The following SLC35F4 variants were observed in gnomAD, a reference collection of about 807,000 sequenced individuals.
SLC35F4 encodes solute carrier family 35 member F4, also known as chromosome 14 open reading frame 36.
Under a neutral mutation model 44.2 loss-of-function variants are expected in SLC35F4, and 24 were observed. That is an observed-to-expected ratio of 0.54 (90% CI 0.39 to 0.76). The LOEUF is 0.76. SLC35F4 is among the 30% of genes least tolerant of loss of function. SLC35F4 has a pLI of 0.00. For synonymous variants in SLC35F4, 238 were observed against 223.6 expected, an observed-to-expected ratio of 1.06 and a Z score of -0.57; for missense variants, 562 against 586.1, an observed-to-expected ratio of 0.96 and a Z score of 0.42.
chr14:57,693,294 G>A (rs991425063), intron 1 of SLC35F4, among the ~76,000 whole-genome samples: 1 of 152,112 alleles, frequency 6.6e-6, no homozygotes, highest in Admixed American at 6.6e-5. Flanking sequence ...TTGGTAATAG[G>A]CCCCCAAAAT....
intron 1 of SLC35F4, among the ~76,000 whole-genome samples, chr14:57,962,978 G>GA (rs1295819589): frequency 3.3e-5 from 5 of 151,896 alleles, no homozygotes; most frequent in Non-Finnish European, 5.9e-5. Flanking sequence ...GGGGAAAAAA[G>GA]AAAAAAAATA....
At chr14:57,734,215 C>T (rs2076413391) in intron 1 of SLC35F4, among the ~76,000 whole-genome samples, 3 of 152,078 alleles carry the variant, frequency 2.0e-5, no homozygotes, top group Admixed American at 1.3e-4. Context: ...GACAAACAGT[C>T]CTGAGTTTGA....
chr14:57,691,528 C>G (rs1490905558), intron 1 of SLC35F4, among the ~76,000 whole-genome samples: 1 of 152,134 alleles, frequency 6.6e-6, no homozygotes, highest in Non-Finnish European at 1.5e-5. Flanking sequence ...ATAACTGAAG[C>G]TTATACTGGC....
chr14:57,724,579 C>T (rs987253426), intron 1 of SLC35F4, among the ~76,000 whole-genome samples: 2 of 152,172 alleles, frequency 1.3e-5, no homozygotes, highest in African/African-American at 4.8e-5. Flanking sequence ...CAAGCAGGTC[C>T]TGAAGGCGTA....
chr14:57,760,353 A>G (rs2077095761), intron 1 of SLC35F4, among the ~76,000 whole-genome samples: 1 of 152,160 alleles, frequency 6.6e-6, no homozygotes, highest in Admixed American at 6.5e-5. Context: ...GCATTGATTT[A>G]TCTCTGGACT....
At chr14:57,611,593 A>AC (rs2071508045) in intron 1 of SLC35F4, among the ~76,000 whole-genome samples, 1 of 139,320 alleles carries the variant, frequency 7.2e-6, no homozygotes, top group African/African-American at 2.5e-5. Flanking sequence ...GTTAAAAAAA[A>AC]AAAAACAAAA....
At chr14:57,685,660 T>G (rs541129074) in intron 1 of SLC35F4, among the ~76,000 whole-genome samples, 2 of 152,280 alleles carry the variant, frequency 1.3e-5, no homozygotes, top group Non-Finnish European at 2.9e-5. Flanking sequence ...TGTTCAAGGG[T>G]AATTATTACA....
chr14:57,748,269 C>T (rs1168320297), intron 1 of SLC35F4, among the ~76,000 whole-genome samples: 1 of 152,022 alleles, frequency 6.6e-6, no homozygotes, highest in Non-Finnish European at 1.5e-5. Context: ...GGACTGCTTC[C>T]ATGGTATATT....
In SLC35F4 at chr14:57,844,360, G is replaced by A. The variant is rs933069021; in HGVS notation, c.103+21363C>T. Reference sequence around the variant, plus strand: ...GGTGTGAATAACACGGGGCAAGACTGTAAGACCAATGGGGTCGATGTTGAA... The same window carrying A: ...GGTGTGAATAACACGGGGCAAGACTATAAGACCAATGGGGTCGATGTTGAA... On this transcript the variant is annotated intron_variant, in intron 1 of 7. Transcript: ENST00000556826. 1.8e-4 allele frequency among the ~76,000 whole-genome samples: 28 copies of A among 152,210 alleles called. 1 individual carries two copies. Among genetic ancestry groups the A allele is most frequent in the African/African-American group, 6.8e-4 (28 of 41,458 alleles).
At chr14:57,915,230 A>C (rs1489893697) in intron 1 of SLC35F4, among the ~76,000 whole-genome samples, 1 of 152,076 alleles carries the variant, frequency 6.6e-6, no homozygotes, top group African/African-American at 2.4e-5. Context: ...CTTTGAAACT[A>C]TTCTGCCTTT....
chr14:57,878,356 T>G (rs1484210503), intron 1 of SLC35F4, among the ~76,000 whole-genome samples: 2 of 152,160 alleles, frequency 1.3e-5, no homozygotes, highest in Non-Finnish European at 1.5e-5. Context: ...ACCTGCTTCC[T>G]CAATAACAAA....
chr14:57,683,097 T>A (rs1333792923), intron 1 of SLC35F4, among the ~76,000 whole-genome samples: 1 of 152,162 alleles, frequency 6.6e-6, no homozygotes, highest in Non-Finnish European at 1.5e-5. Context: ...AGCTAACTTG[T>A]CATACAAAGA....
At chr14:57,791,161 G>T (rs1446344580) in intron 1 of SLC35F4, among the ~76,000 whole-genome samples, 1 of 152,168 alleles carries the variant, frequency 6.6e-6, no homozygotes, top group East Asian at 1.9e-4. Flanking sequence ...AAGAGCTTTT[G>T]CACAGCTAAA....
At chr14:57,673,630 C>T (rs533209349) in intron 1 of SLC35F4, among the ~76,000 whole-genome samples, 34 of 151,898 alleles carry the variant, frequency 2.2e-4, no homozygotes, top group Non-Finnish European at 4.4e-4. Flanking sequence ...CTGAACAATA[C>T]TTCTCAAAGA....
At chr14:57,681,085 C>T (rs2074885985) in intron 1 of SLC35F4, among the ~76,000 whole-genome samples, 1 of 151,988 alleles carries the variant, frequency 6.6e-6, no homozygotes, top group Admixed American at 6.5e-5. Flanking sequence ...GCAAAAAGAA[C>T]AAACCTGGAA....
chr14:57,573,203 C>T (rs1205433230), intron 4 of SLC35F4, among the ~76,000 whole-genome samples: 3 of 152,124 alleles, frequency 2.0e-5, no homozygotes, highest in Non-Finnish European at 4.4e-5. Context: ...AAAGTATGTT[C>T]CCAATTACAT....
At chr14:57,894,932 T>C (rs961519907) in intron 1 of SLC35F4, among the ~76,000 whole-genome samples, 7 of 152,176 alleles carry the variant, frequency 4.6e-5, no homozygotes, top group African/African-American at 1.4e-4. Flanking sequence ...GCTGGTGATT[T>C]GTCTTCTCTT....
In SLC35F4 at chr14:57,980,376, C is replaced by CT. The variant is rs772717053; in HGVS notation, n.151+1536dup. On this transcript the variant is annotated intron_variant and non_coding_transcript_variant, in intron 1 of 1. Transcript: ENST00000554648. ...CAGTCTTGTTGCCTGAACAGGGTGT[C>CT]TTGGAAAGGTTGAGAGAAAAATGTT... 1.3e-4 allele frequency among the ~76,000 whole-genome samples: 20 copies of CT among 152,280 alleles called. 1 individual carries two copies. In the South Asian group the frequency reaches 1.5e-3, roughly 11 times the overall value.
chr14:57,573,449 C>T (rs113444276), intron 4 of SLC35F4, among the ~76,000 whole-genome samples: 19 of 152,066 alleles, frequency 1.2e-4, no homozygotes, highest in African/African-American at 3.6e-4. Context: ...CTGAAGCTGC[C>T]GGGTGTGTGT....
Sources: allele counts gnomAD v4.1 joint callset (sites outside exome capture counted in the v4.1 genomes callset), GRCh38; gene constraint gnomAD v4.1.1; transcripts MANE v1.5; gene names NCBI Gene and HGNC (gene_info 2026-07-23, HGNC 2026-07-21).